The following TIAM1 variants were observed in gnomAD, a reference collection of about 807,000 sequenced individuals.
TIAM1 encodes TIAM Rac1 associated GEF 1.
TIAM1 carries 65 observed loss-of-function variants against 163.5 expected under a neutral mutation model. That is an observed-to-expected ratio of 0.40 (90% CI 0.33 to 0.49). The LOEUF (loss-of-function observed/expected upper bound fraction) is 0.49, where lower values mean the gene tolerates loss of function less well. TIAM1 is among the 20% of genes least tolerant of loss of function. The pLI, the probability that TIAM1 is intolerant of heterozygous loss-of-function variation, is 0.77. For missense variants in TIAM1, 1,789 were observed against 2,044.7 expected (o/e 0.87, Z 2.41); for synonymous variants, 833 against 810.1 (o/e 1.03, Z -0.48).
chr21:31,252,228 A>G, intron 4 of TIAM1, 39 bp from the exon 5 acceptor site: 1 of 1,577,184 alleles, frequency 6.3e-7, no homozygotes, highest in Non-Finnish European at 8.6e-7. Context: ...GACAAGCGTC[A>G]CGTGGAGAAG....
chr21:31,138,954 T>C (rs1484579847), intron 22 of TIAM1, among the ~76,000 whole-genome samples: 2 of 152,238 alleles, frequency 1.3e-5, no homozygotes, highest in East Asian at 3.8e-4. Context: ...TTTCCTCCTC[T>C]TCAGTCCTGG....
intron 2 of TIAM1, among the ~76,000 whole-genome samples, chr21:31,449,558 A>C (rs1009407646): frequency 2.7e-5 from 4 of 149,344 alleles, no homozygotes; most frequent in Non-Finnish European, 6.0e-5. Context: ...TTTTATTTTT[A>C]GTAAAGACGG....
chr21:31,434,348 C>T (rs2044139779), intron 2 of TIAM1, among the ~76,000 whole-genome samples: 1 of 152,088 alleles, frequency 6.6e-6, no homozygotes, highest in South Asian at 2.1e-4. Context: ...TACGATCTGC[C>T]CCAGTGTCCC....
intron 1 of TIAM1, among the ~76,000 whole-genome samples, chr21:31,521,193 C>G (rs1456194581): frequency 1.3e-5 from 2 of 152,206 alleles, no homozygotes; most frequent in Non-Finnish European, 2.9e-5. Context: ...CATCCTAAAA[C>G]TCTTAATGAG....
intron 2 of TIAM1, among the ~76,000 whole-genome samples, chr21:31,440,914 T>C (rs2044396435): frequency 6.6e-6 from 1 of 152,124 alleles, no homozygotes. Flanking sequence ...AGTGGTAAAC[T>C]GTCCACTTTA....
intron 2 of TIAM1, among the ~76,000 whole-genome samples, chr21:31,429,460 C>T (rs2043918751): frequency 1.3e-5 from 2 of 152,208 alleles, no homozygotes; most frequent in Non-Finnish European, 2.9e-5. Flanking sequence ...AAGACATCCA[C>T]TGCAGTATTT....
intron 2 of TIAM1, among the ~76,000 whole-genome samples, chr21:31,452,153 C>CT (rs2044885106): frequency 6.6e-6 from 1 of 152,192 alleles, no homozygotes; most frequent in Non-Finnish European, 1.5e-5. Context: ...TGAGGTGTCA[C>CT]TCCTCTGATT....
At chr21:31,308,600 T>C (rs2074807392) in intron 2 of TIAM1, among the ~76,000 whole-genome samples, 1 of 152,166 alleles carries the variant, frequency 6.6e-6, no homozygotes, top group Admixed American at 6.6e-5. Context: ...GCACATTGTA[T>C]GCACGCAATA....
At chr21:31,190,216 G>A (rs994613357) in intron 13 of TIAM1, among the ~76,000 whole-genome samples, 2 of 152,136 alleles carry the variant, frequency 1.3e-5, no homozygotes, top group Admixed American at 1.3e-4. Flanking sequence ...GACCAGCCCT[G>A]GCAACACAGT....
At chr21:31,197,604 C>T (rs899840817) in intron 12 of TIAM1, among the ~76,000 whole-genome samples, 3 of 148,456 alleles carry the variant, frequency 2.0e-5, no homozygotes, top group East Asian at 2.0e-4. Context: ...CTCCTGACCT[C>T]GTGATCCGCC....
chr21:31,509,134 G>A (rs1395713022), intron 1 of TIAM1, among the ~76,000 whole-genome samples: 3 of 152,112 alleles, frequency 2.0e-5, no homozygotes, highest in Non-Finnish European at 4.4e-5. Flanking sequence ...CCTCCGTGGT[G>A]GAGATTATGG....
At chr21:31,458,273 G>A (rs1209760500) in intron 2 of TIAM1, among the ~76,000 whole-genome samples, 2 of 151,978 alleles carry the variant, frequency 1.3e-5, no homozygotes, top group African/African-American at 4.8e-5. Flanking sequence ...ACAAAAATTA[G>A]CTGGGCATAG....
chr21:31,186,730 A>G (rs1386885527), intron 14 of TIAM1, among the ~76,000 whole-genome samples: 1 of 152,110 alleles, frequency 6.6e-6, no homozygotes, highest in Non-Finnish European at 1.5e-5. Flanking sequence ...ACAGTGACCT[A>G]TGATTGCGCC....
Position 31,421,771 on chromosome 21 carries a change from C to T in TIAM1, c.-369+42212G>A, listed in dbSNP as rs547737698. 6.6e-5 allele frequency among the ~76,000 whole-genome samples: 10 copies of T among 152,226 alleles called. No homozygotes were observed. The East Asian group carries it at 1.7e-3, about 26-fold the overall frequency. ...GTGGAAGGCCATGGCAGGAGGACGG[C>T]TTGAGGCCAGACTTTTAAGACTAGC... On this transcript the variant is annotated intron_variant, in intron 2 of 28. Transcript: ENST00000286827.
At chr21:31,341,660 G>A (rs115089245) in intron 1 of TIAM1, among the ~76,000 whole-genome samples, 1 of 151,890 alleles carries the variant, frequency 6.6e-6, no homozygotes, top group African/African-American at 2.4e-5. Flanking sequence ...ACTGTGTGTG[G>A]TGTTCACAAA....
At chr21:31,318,977 C>T (rs1250649688) in intron 2 of TIAM1, among the ~76,000 whole-genome samples, 3 of 152,204 alleles carry the variant, frequency 2.0e-5, no homozygotes, top group South Asian at 4.1e-4. Flanking sequence ...GACCCTCCTG[C>T]TCCAGCCTCC....
intron 1 of TIAM1, among the ~76,000 whole-genome samples, chr21:31,341,493 C>A (rs2076013515): frequency 2.0e-5 from 3 of 152,186 alleles, no homozygotes; most frequent in Non-Finnish European, 2.9e-5. Context: ...TGCTGTCGTA[C>A]AAGGTAAATC....
chr21:31,290,187 A>G (rs1481703656), intron 2 of TIAM1, among the ~76,000 whole-genome samples: 1 of 152,212 alleles, frequency 6.6e-6, no homozygotes, highest in African/African-American at 2.4e-5. Context: ...CAAAAGATGA[A>G]ACATAAATTT....
At chr21:31,346,021 G>A (rs1408498616), upstream of TIAM1, among the ~76,000 whole-genome samples, 2 of 151,940 alleles carry the variant, frequency 1.3e-5, no homozygotes, top group Non-Finnish European at 2.9e-5. Flanking sequence ...TTAGTTGGAG[G>A]TGAATTTGCC....
Sources: allele counts gnomAD v4.1 joint callset (sites outside exome capture counted in the v4.1 genomes callset), GRCh38; gene constraint gnomAD v4.1.1; transcripts MANE v1.5; gene names NCBI Gene and HGNC (gene_info 2026-07-23, HGNC 2026-07-21).